Variants in SYT3 observed in about 807,000 individuals in gnomAD.
SYT3 encodes the protein synaptotagmin 3, also known as synaptotagmin-3.
In SYT3, 25 loss-of-function variants were observed where a neutral mutation model predicts 50.6. The ratio of observed to expected loss-of-function variants is 0.49; its 90% CI spans 0.36 to 0.69. The LOEUF (loss-of-function observed/expected upper bound fraction) is 0.69. Among genes scored for constraint, SYT3 ranks in the 30% least tolerant of loss-of-function variants. The probability of loss-of-function intolerance (pLI) is 0.00; values close to 1 mark genes in which losing one functional copy is unlikely to be tolerated. For synonymous variants in SYT3, 323 were observed against 353.9 expected, an observed-to-expected ratio of 0.91 and a Z score of 0.98; for missense variants, 589 against 793.6, an observed-to-expected ratio of 0.74 and a Z score of 3.10.
chr19:50,644,900 T>G, the SYT3 span, among the ~76,000 whole-genome samples: 1 of 149,660 alleles, frequency 6.7e-6, no homozygotes, highest in African/African-American at 2.5e-5. Context: ...GATGAAGAGT[T>G]AGATAGAGGA....
At chr19:50,652,708 C>A in the SYT3 span, among the ~76,000 whole-genome samples, 1 of 152,112 alleles carries the variant, frequency 6.6e-6, no homozygotes, top group South Asian at 2.1e-4. Context: ...CTTTATTCAT[C>A]CCACAGACAA....
chr19:50,625,960 G>A lies in SYT3; in HGVS notation c.1339C>T (p.Arg447Cys). Residue 447 changes from arginine (R) to cysteine (C), a missense_variant, in exon 7 of 11, where the codon CGC becomes TGC. By Grantham distance (180) the Arg-to-Cys change is radical. Around this residue, in one of 2 missense-constraint regions of SYT3, gnomAD observed 273 missense variants for 439.3 expected, o/e 0.62. Coordinates refer to ENST00000600079, the MANE Select transcript of SYT3 (RefSeq NM_001160329.2). This position sits in a 1 kb window ranked among gnomAD's most constrained non-coding sequence, Gnocchi z 7.5. ...GCTTTGATGATGGTCACGGTGAGGCGCCCGGCCGTGGGGAGGTAGCAGAGT... is the reference window on the plus strand; with the variant it reads ...GCTTTGATGATGGTCACGGTGAGGCACCCGGCCGTGGGGAGGTAGCAGAGT... ...FSLCYLPTAG[R>C]LTVTIIKASN... is the part of the protein sequence containing the mutation. The A allele has an allele frequency of 1.2e-6, 2 of 1,614,044 alleles. No individual in the cohort carries two copies. Among genetic ancestry groups the A allele is most frequent in the South Asian group, 1.1e-5 (1 of 91,076 alleles).
In SYT3 at chr19:50,632,032, T is replaced by A. The variant is rs1190104175; in HGVS notation, c.674+254A>T. Among the ~76,000 whole-genome samples the A allele has an allele frequency of 6.6e-6, 1 of 151,910 alleles. No homozygotes were observed. On this transcript the variant is annotated intron_variant, in intron 4 of 10. Transcript: ENST00000600079. The surrounding 1 kb of genome is among the most constrained non-coding windows in gnomAD (Gnocchi z 4.7). ...TTCCTGTCCTAAGTCCTGCCCCCAGTCTCCTCCCTCTGGACCCAGGAATTC... is the reference window on the plus strand; with the variant it reads ...TTCCTGTCCTAAGTCCTGCCCCCAGACTCCTCCCTCTGGACCCAGGAATTC...
chr19:50,640,608 G>A (rs1455535326), upstream of SYT3, among the ~76,000 whole-genome samples: 3 of 152,162 alleles, frequency 2.0e-5, no homozygotes, highest in Non-Finnish European at 4.4e-5. Context: ...GGCCCATGGA[G>A]GTTAAATCCC....
Position 50,629,463 on chromosome 19 carries a change from G to A in SYT3, c.1112C>T (p.Ser371Leu), listed in dbSNP as rs763235130. Residue 371 changes from serine (S) to leucine (L), a missense_variant, in exon 6 of 11, where the codon TCG becomes TTG. Coordinates refer to ENST00000600079, the MANE Select transcript of SYT3 (RefSeq NM_001160329.2). Reference sequence around the variant, plus strand: ...TTGGGCCAGCTCGGCCAGGGGCACCGAGAATTGAAACGTCTCATTGAAGAC... The same window carrying A: ...TTGGGCCAGCTCGGCCAGGGGCACCAAGAATTGAAACGTCTCATTGAAGAC... ...NPVFNETFQF[S>L]VPLAELAQRK... 7.4e-6 allele frequency: 12 copies of A among 1,614,062 alleles called. No homozygotes were observed. Among genetic ancestry groups the A allele is most frequent in the Admixed American group, 3.3e-5 (2 of 60,012 alleles).
rs1984368909 is a variant in SYT3 at position 50,632,861 on chromosome 19, T to A, written c.149-50A>T. The A allele has an allele frequency of 7.1e-7, 1 of 1,414,026 alleles. No individual in the cohort carries two copies. Among genetic ancestry groups the A allele is most frequent in the Non-Finnish European group, 9.3e-7 (1 of 1,073,988 alleles). 87.6% of individuals were successfully genotyped at this position (1,414,026 alleles called of 1,614,324 possible). A position where few individuals can be genotyped will look rare whatever the true frequency, so the allele number is the denominator to read the frequency against. On this transcript the variant is annotated intron_variant, in intron 3 of 10. Transcript: ENST00000600079. This position sits in a 1 kb window ranked among gnomAD's most constrained non-coding sequence, Gnocchi z 4.7. ...GGGGTCAGGATGGGGTCACAGTACA[T>A]CCTCCCTCTGCTGTCCCCAAAGAGT...
Position 50,622,247 on chromosome 19 carries a change from G to C in SYT3, c.*238C>G, listed in dbSNP as rs571748990. The stretch of plus-strand genomic sequence containing the variant: ...ATGCATGGCCCCTCGCCTCGAGGGG[G>C]AGCCCCAGGGAAGAAAAGACAGACA... On this transcript the variant is annotated 3_prime_UTR_variant, in exon 11 of 11. Transcript: ENST00000600079. The C allele has an allele frequency of 1.3e-5, 2 of 157,566 alleles. No homozygotes were observed. The highest frequency in any genetic ancestry group is 1.9e-4 in the East Asian group (1 of 5,284). 9.8% of individuals were successfully genotyped at this position (157,566 alleles called of 1,614,324 possible). A position where few individuals can be genotyped will look rare whatever the true frequency, so the allele number is the denominator to read the frequency against.
chr19:50,625,244 G>A lies in SYT3; in HGVS notation c.1625C>T (p.Ala542Val), dbSNP rs1228762739. 2 of 1,566,328 alleles carry A rather than the reference G, an allele frequency of 1.3e-6. No homozygotes were observed. The highest frequency in any genetic ancestry group is 1.3e-5 in the African/African-American group (1 of 74,186). ...IGVCRVGPDA[A>V]DPHGREHWAE... ...CCAGTGCTCGCGGCCGTGCGGGTCGGCAGCGTCGGGGCCCACACGGCACAC... is the reference window on the plus strand; with the variant it reads ...CCAGTGCTCGCGGCCGTGCGGGTCGACAGCGTCGGGGCCCACACGGCACAC... Residue 542 changes from alanine to valine, a missense_variant, in exon 9 of 11, where the codon GCC (alanine) becomes GTC (valine). This residue lies in a region of SYT3 where 273 missense variants were observed against 439.3 expected (regional missense o/e 0.62). Transcript: ENST00000600079. This position sits in a 1 kb window ranked among gnomAD's most constrained non-coding sequence, Gnocchi z 7.5.
At position 50,632,471 on chromosome 19, in the gene SYT3, G is replaced by A; in HGVS notation, c.489C>T (p.Asp163=). The change falls in exon 4 of 11, where the codon GAC becomes GAT. Residue 163 remains aspartate, a synonymous_variant. Transcript: ENST00000600079. This position sits in a 1 kb window ranked among gnomAD's most constrained non-coding sequence, Gnocchi z 4.7. ...CTGCAGCCTCTGGATACGAGTCCAT[G>A]TCCAAGTAGGAGGGCTCAGGGGTGT... ...GSDTPEPSYL[D]MDSYPEAAAA... The A allele has an allele frequency of 6.2e-7, 1 of 1,613,328 alleles. No homozygotes were observed. The highest frequency in any genetic ancestry group is 1.1e-5 in the South Asian group (1 of 91,078).
At chr19:50,649,613 C>A in the SYT3 span, 1 of 1,286,104 alleles carries the variant, frequency 7.8e-7, no homozygotes. Flanking sequence ...CACTGGCACT[C>A]CAAAGTGAAA....
Position 50,629,395 on chromosome 19 carries a change from G to T in SYT3, c.1180C>A (p.Arg394=), listed in dbSNP as rs780811810. 1 of 1,613,828 alleles carries T rather than the reference G, an allele frequency of 6.2e-7. No homozygotes were observed. Among genetic ancestry groups the T allele is most frequent in the Admixed American group, 1.7e-5 (1 of 59,982 alleles). Residue 394 remains arginine, a synonymous_variant, in exon 6 of 11, where the codon CGG becomes AGG. Transcript: ENST00000600079. ...FSVYDFDRFS[R]HDLIGQVVLD... is the part of the protein sequence containing the mutation. ...ACCACCTGGCCGATGAGGTCGTGCC[G>T]CGAGAAGCGGTCAAAGTCATAGACG...
In SYT3 at chr19:50,637,136, A is replaced by T; in HGVS notation, c.148+128T>A. ...AGAGATTTGGGAGAAGGGCAGCAGC[A>T]GGCAGAATGGGGGCAAGACGCTACG... On this transcript the variant is annotated intron_variant, in intron 3 of 10. Coordinates refer to ENST00000600079, the MANE Select transcript of SYT3 (RefSeq NM_001160329.2). The surrounding 1 kb of genome is among the most constrained non-coding windows in gnomAD (Gnocchi z 4.9). 8.6e-7 allele frequency: 1 copy of T among 1,164,552 alleles called. No homozygotes were observed. The highest frequency in any genetic ancestry group is 1.2e-6 in the Non-Finnish European group (1 of 823,376). The allele number at this position is 1,164,552 out of a possible 1,614,324, so 72.1% of individuals were successfully genotyped here. A position where few individuals can be genotyped will look rare whatever the true frequency, so the allele number is the denominator to read the frequency against.
the SYT3 span, chr19:50,649,842 C>G: frequency 2.0e-6 from 1 of 491,188 alleles, no homozygotes; most frequent in African/African-American, 1.9e-5. Flanking sequence ...AGCATCTTCC[C>G]CCAAAGCTGC....
At position 50,637,340 on chromosome 19, in the gene SYT3, G is replaced by C; in HGVS notation, c.72C>G (p.Val24=). The change falls in exon 3 of 11, where the codon GTC becomes GTG. Residue 24 remains valine, a synonymous_variant. Coordinates refer to ENST00000600079, the MANE Select transcript of SYT3 (RefSeq NM_001160329.2). This position sits in a 1 kb window ranked among gnomAD's most constrained non-coding sequence, Gnocchi z 4.9. ...ACCTGTCGTTGGTGTCAGCATCTCG[G>C]ACCCGCGCACAGAGGTCCGAGACCA... ...LILVSDLCAR[V]RDADTNDRCQ... is the part of the protein sequence containing the mutation. 1.9e-6 allele frequency: 3 copies of C among 1,613,228 alleles called. No individual in the cohort carries two copies. The highest frequency in any genetic ancestry group is 2.5e-6 in the Non-Finnish European group (3 of 1,179,936).
chr19:50,627,299 T>C (rs953654579), intron 6 of SYT3, among the ~76,000 whole-genome samples: 3 of 152,186 alleles, frequency 2.0e-5, no homozygotes, highest in Admixed American at 6.5e-5. Flanking sequence ...CCCACAGCCC[T>C]GCAGAGGCTC....
intron 6 of SYT3, among the ~76,000 whole-genome samples, chr19:50,627,515 G>A (rs1479809401): frequency 1.3e-5 from 2 of 152,202 alleles, no homozygotes; most frequent in Admixed American, 1.3e-4. Context: ...GAGCTCAGGA[G>A]TTCGAGACCA....
At chr19:50,633,844 G>C (rs904540198) in intron 3 of SYT3, among the ~76,000 whole-genome samples, 5 of 152,200 alleles carry the variant, frequency 3.3e-5, no homozygotes, top group African/African-American at 1.2e-4. Context: ...TATACCCATA[G>C]TTACCTGCTC....
rs1367768624 is a variant in SYT3, at chr19:50,639,525, C to T, written c.-154+265G>A. Among the ~76,000 whole-genome samples, 1 of 151,810 alleles carries T rather than the reference C, an allele frequency of 6.6e-6. No individual in the cohort carries two copies. The highest frequency in any genetic ancestry group is 1.5e-5 in the Non-Finnish European group (1 of 67,904). On this transcript the variant is annotated intron_variant, in intron 1 of 10. Coordinates refer to ENST00000600079, the MANE Select transcript of SYT3 (RefSeq NM_001160329.2). The surrounding 1 kb of genome is among the most constrained non-coding windows in gnomAD (Gnocchi z 4.6). The stretch of plus-strand genomic sequence containing the variant: ...TTCGAAAAGCCACGGAGCCCTAAGT[C>T]CTTAGGGGCCACGGAATGAGGAAAC...
the SYT3 span, among the ~76,000 whole-genome samples, chr19:50,652,664 C>T: frequency 2.0e-5 from 3 of 152,148 alleles, no homozygotes; most frequent in Non-Finnish European, 4.4e-5. Context: ...GGTCTGATCA[C>T]GTGTGGTCTT....
Sources: allele counts gnomAD v4.1 joint callset (sites outside exome capture counted in the v4.1 genomes callset), GRCh38; gene constraint gnomAD v4.1.1; regional missense constraint gnomAD v4.1.1; non-coding constraint Gnocchi (gnomAD v3.1); transcripts MANE v1.5; gene names NCBI Gene and HGNC (gene_info 2026-07-23, HGNC 2026-07-21).